The following ASIC4 variants were observed in gnomAD, a reference collection of about 807,000 sequenced individuals.
ASIC4 encodes the protein acid sensing ion channel subunit family member 4.
A neutral mutation model predicts 53.4 loss-of-function variants in ASIC4; 28 were observed. That is an observed-to-expected ratio of 0.52 (90% CI 0.39 to 0.72). The LOEUF is 0.72. Ranked by LOEUF, ASIC4 falls within the 30% of genes least tolerant of loss-of-function variation. ASIC4 has a pLI of 0.00. For synonymous variants in ASIC4, 289 were observed against 301.4 expected, an observed-to-expected ratio of 0.96 and a Z score of 0.43; for missense variants, 649 against 729.7, an observed-to-expected ratio of 0.89 and a Z score of 1.27.
rs1694767039 is a variant in ASIC4, at chr2:219,515,247, G to A, written c.523G>A (p.Asp175Asn). The change falls in exon 1 of 10, where the codon GAC becomes AAC. Residue 175 changes from aspartate to asparagine, a missense_variant. By Grantham distance (23) the Asp-to-Asn change is conservative. Coordinates refer to ENST00000358078, the MANE Select transcript of ASIC4 (RefSeq NM_018674.6). ...CAACCGCACTGGCCACCAGCTCGCC[G>A]ACATGCTTAAGAGCTGCAACTTCAG... Reference protein sequence around the residue: ...ILNRTGHQLADMLKSCNFSGH... With the variant: ...ILNRTGHQLANMLKSCNFSGH... The A allele has an allele frequency of 2.5e-6, 4 of 1,614,116 alleles. No homozygotes were observed. The highest frequency in any genetic ancestry group is 3.4e-6 in the Non-Finnish European group (4 of 1,179,990).
At chr2:219,514,381 G>A, upstream of ASIC4, 1 of 1,546,756 alleles carries the variant, frequency 6.5e-7, no homozygotes, top group East Asian at 2.4e-5. Context: ...CGGCGTGGCG[G>A]AGCAGCGCTC....
At chr2:219,513,663 C>T (rs960075889), upstream of ASIC4, among the ~76,000 whole-genome samples, 7 of 152,330 alleles carry the variant, frequency 4.6e-5, no homozygotes, top group South Asian at 6.2e-4. Flanking sequence ...AGCCCTCCCC[C>T]GAAGCCTGGT....
chr2:219,521,593 C>CA (rs57263013), intron 1 of ASIC4, among the ~76,000 whole-genome samples: 1 of 152,336 alleles, frequency 6.6e-6, no homozygotes, highest in African/African-American at 2.4e-5. Flanking sequence ...CCAAGCTACT[C>CA]AGTCCCCGAG....
chr2:219,510,123 G>A (rs1331484869), upstream of ASIC4, among the ~76,000 whole-genome samples: 3 of 151,832 alleles, frequency 2.0e-5, no homozygotes, highest in South Asian at 2.1e-4. The surrounding 1 kb of genome is among the most constrained non-coding windows in gnomAD (Gnocchi z 5.2). Context: ...AAACCCTGCC[G>A]TCTTCACAGC....
In ASIC4 at chr2:219,536,015, T is replaced by G. The variant is rs1695131464; in HGVS notation, c.1229+691T>G. On this transcript the variant is annotated intron_variant, in intron 6 of 9. Coordinates refer to ENST00000358078, the MANE Select transcript of ASIC4 (RefSeq NM_018674.6). This position sits in a 1 kb window ranked among gnomAD's most constrained non-coding sequence, Gnocchi z 4.6. ...CTTAAACTCCTGACCTCAAGTGATC[T>G]GCCGTCCTTGGTCTCCCAAAGTGCT... 6.6e-6 allele frequency among the ~76,000 whole-genome samples: 1 copy of G among 152,142 alleles called. No individual in the cohort carries two copies. The highest frequency in any genetic ancestry group is 2.4e-5 in the African/African-American group (1 of 41,432).
chr2:219,507,825 CA>C, the ASIC4 span, among the ~76,000 whole-genome samples: 1 of 152,100 alleles, frequency 6.6e-6, no homozygotes, highest in South Asian at 2.1e-4. Context: ...TGGCAGCAGG[CA>C]GGGGTGGCAG....
At chr2:219,510,040 A>G (rs182482710), upstream of ASIC4, among the ~76,000 whole-genome samples, 250 of 151,964 alleles carry the variant, frequency 1.6e-3, 3 homozygotes, top group African/African-American at 5.9e-3. This position sits in a 1 kb window ranked among gnomAD's most constrained non-coding sequence, Gnocchi z 5.2. Context: ...CCCCTCTCCT[A>G]GGACAGAGGA....
At position 219,517,754 on chromosome 2, in the gene ASIC4, A is replaced by ATT. The variant is rs1298323396; in HGVS notation, c.582+2450_582+2451dup. Among the ~76,000 whole-genome samples, 1 of 151,908 alleles carries ATT rather than the reference A, an allele frequency of 6.6e-6. No individual in the cohort carries two copies. The highest frequency in any genetic ancestry group is 6.6e-5 in the Admixed American group (1 of 15,242). ...TGAGGACCTGGAGTCAATGATGGGG[A>ATT]TTTGGGGTCTATGGTGGGGAGATGG... On this transcript the variant is annotated intron_variant, in intron 1 of 9. Coordinates refer to ENST00000358078, the MANE Select transcript of ASIC4 (RefSeq NM_018674.6). This position sits in a 1 kb window ranked among gnomAD's most constrained non-coding sequence, Gnocchi z 4.2.
Position 219,531,900 on chromosome 2 carries a change from C to A in ASIC4, c.725C>A (p.Thr242Lys). 2 of 1,610,910 alleles carry A rather than the reference C, an allele frequency of 1.2e-6. No individual in the cohort carries two copies. The highest frequency in any genetic ancestry group is 1.7e-6 in the Non-Finnish European group (2 of 1,178,066). ...QEEYLPIWRETNETSFEAGIR... is the reference protein window; with the variant it reads ...QEEYLPIWREKNETSFEAGIR... ...GAGTACCTGCCCATCTGGAGGGAGA[C>A]AAGTACGCAGGCCGGAAAGGGACAA... Residue 242 changes from threonine to lysine, a missense_variant and splice_region_variant, in exon 2 of 10, where the codon ACA becomes AAA. Transcript: ENST00000358078.
At chr2:219,534,239 C>A (rs920614456) in intron 5 of ASIC4, among the ~76,000 whole-genome samples, 1 of 152,216 alleles carries the variant, frequency 6.6e-6, no homozygotes, top group Non-Finnish European at 1.5e-5. Context: ...ACACATCCAG[C>A]CCTTCTCTGT....
the ASIC4 span, among the ~76,000 whole-genome samples, chr2:219,508,052 G>T: frequency 6.6e-6 from 1 of 152,200 alleles, no homozygotes; most frequent in Non-Finnish European, 1.5e-5. Flanking sequence ...GTGGGGTTTA[G>T]CAGTCCTGAC....
chr2:219,518,966 C>T lies in ASIC4; in HGVS notation c.582+3660C>T, dbSNP rs1177444281. Among the ~76,000 whole-genome samples, 1 of 152,138 alleles carries T rather than the reference C, an allele frequency of 6.6e-6. No homozygotes were observed. Among genetic ancestry groups the T allele is most frequent in the East Asian group, 1.9e-4 (1 of 5,188 alleles). On this transcript the variant is annotated intron_variant, in intron 1 of 9. Transcript: ENST00000358078. This position sits in a 1 kb window ranked among gnomAD's most constrained non-coding sequence, Gnocchi z 4.8. ...TTGCCCAGGCTGGAGTGCAGCGGCGCGATCTCGGCTCACTACAGGCTCCGC... is the reference window on the plus strand; with the variant it reads ...TTGCCCAGGCTGGAGTGCAGCGGCGTGATCTCGGCTCACTACAGGCTCCGC...
intron 6 of ASIC4, 107 bp downstream of exon 6, chr2:219,535,431 ATGTGTTTG>A (rs892820888): frequency 3.1e-6 from 4 of 1,278,348 alleles, no homozygotes; most frequent in African/African-American, 1.7e-5. Flanking sequence ...GTATGTGTGT[ATGTGTTTG>A]TGTGTATGTG....
At chr2:219,527,977 C>T (rs899053934) in intron 1 of ASIC4, among the ~76,000 whole-genome samples, 1 of 152,238 alleles carries the variant, frequency 6.6e-6, no homozygotes, top group Non-Finnish European at 1.5e-5. Flanking sequence ...GCAGTCAGGG[C>T]TCCGCCGAGG....
At chr2:219,512,311 A>G (rs572650078), upstream of ASIC4, among the ~76,000 whole-genome samples, 1 of 152,250 alleles carries the variant, frequency 6.6e-6, no homozygotes, top group East Asian at 1.9e-4. Context: ...TTGTCGGGGA[A>G]GTGTGACCCC....
upstream of ASIC4, among the ~76,000 whole-genome samples, chr2:219,509,202 G>C (rs1357113659): frequency 2.0e-5 from 3 of 152,048 alleles, no homozygotes; most frequent in East Asian, 5.8e-4. This position sits in a 1 kb window ranked among gnomAD's most constrained non-coding sequence, Gnocchi z 5.2. Context: ...AGCCATTATC[G>C]GGGGAGCAGA....
intron 1 of ASIC4, among the ~76,000 whole-genome samples, chr2:219,522,094 C>T (rs1694893698): frequency 6.6e-6 from 1 of 152,110 alleles, no homozygotes; most frequent in South Asian, 2.1e-4. Context: ...TCCAACCCAC[C>T]CCTCAAATGC....
At chr2:219,513,077 G>A (rs111507843), upstream of ASIC4, among the ~76,000 whole-genome samples, 878 of 152,314 alleles carry the variant, frequency 5.8e-3, 4 homozygotes, top group African/African-American at 0.02. Flanking sequence ...GGTGGACCTC[G>A]GGCTCTAATC....
chr2:219,531,651 G>A, intron 1 of ASIC4, 107 bp from the exon 2 acceptor site: 1 of 1,289,678 alleles, frequency 7.8e-7, no homozygotes, highest in Non-Finnish European at 1.1e-6. Context: ...ATACGGGACT[G>A]GAGTGTCCAA....
Sources: allele counts gnomAD v4.1 joint callset (sites outside exome capture counted in the v4.1 genomes callset), GRCh38; gene constraint gnomAD v4.1.1; non-coding constraint Gnocchi (gnomAD v3.1); transcripts MANE v1.5; gene names NCBI Gene and HGNC (gene_info 2026-07-23, HGNC 2026-07-21).